Variants in N4BP2 observed in about 807,000 individuals in gnomAD.
The protein encoded by N4BP2 is NEDD4-binding protein 2.
Under a neutral mutation model 152.8 loss-of-function variants are expected in N4BP2, and 91 were observed. The observed-to-expected ratio is 0.60, with a 90% CI of 0.50 to 0.71. The LOEUF (loss-of-function observed/expected upper bound fraction) is 0.71, where lower values mean the gene tolerates loss of function less well. Ranked by LOEUF, N4BP2 falls within the 30% of genes least tolerant of loss-of-function variation. The pLI, the probability that N4BP2 is intolerant of heterozygous loss-of-function variation, is 0.00. For synonymous variants in N4BP2, 646 were observed against 705.3 expected, an observed-to-expected ratio of 0.92 and a Z score of 1.33; for missense variants, 1,923 against 2,059.1, an observed-to-expected ratio of 0.93 and a Z score of 1.28.
At chr4:40,137,660 C>G (rs553738134) in intron 14 of N4BP2, among the ~76,000 whole-genome samples, 2 of 152,162 alleles carry the variant, frequency 1.3e-5, no homozygotes, top group African/African-American at 4.8e-5. Context: ...TCACAGAGTT[C>G]TGGAAACAGG....
In N4BP2 at chr4:40,112,154, G is replaced by T. The variant is rs1579053933; in HGVS notation, c.1569G>T (p.Met523Ile). 1 of 1,571,118 alleles carries T rather than the reference G, an allele frequency of 6.4e-7. No individual in the cohort carries two copies. Among genetic ancestry groups the T allele is most frequent in the South Asian group, 1.2e-5 (1 of 86,616 alleles). Reference protein sequence around the residue: ...IDNTNLQAWEMKPYVALSQKH... With the variant: ...IDNTNLQAWEIKPYVALSQKH... ...ATACAAACCTACAGGCATGGGAAATGAAACCATATGTTGCTTTGGTTAGTA... is the reference window on the plus strand; with the variant it reads ...ATACAAACCTACAGGCATGGGAAATTAAACCATATGTTGCTTTGGTTAGTA... Residue 523 changes from methionine to isoleucine, a missense_variant, in exon 6 of 18, where the codon ATG becomes ATT. By Grantham distance (10) the Met-to-Ile change is conservative. Coordinates refer to ENST00000261435, the MANE Select transcript of N4BP2 (RefSeq NM_018177.6).
At chr4:40,135,145 G>A (rs1321529900) in intron 13 of N4BP2, among the ~76,000 whole-genome samples, 2 of 130,156 alleles carry the variant, frequency 1.5e-5, no homozygotes, top group Non-Finnish European at 3.1e-5. Context: ...TCCCCTTCCT[G>A]TGTCCATGTG....
At chr4:40,082,387 G>A (rs75087390) in intron 2 of N4BP2, among the ~76,000 whole-genome samples, 1 of 151,740 alleles carries the variant, frequency 6.6e-6, no homozygotes, top group Non-Finnish European at 1.5e-5. Flanking sequence ...AACAATCCTG[G>A]GTTCAGCTTA....
At chr4:40,141,872 G>A (rs572584969) in intron 14 of N4BP2, among the ~76,000 whole-genome samples, 97 of 152,320 alleles carry the variant, frequency 6.4e-4, no homozygotes, top group African/African-American at 2.3e-3. Context: ...GATCACTCGC[G>A]GTTAGGAGCT....
At chr4:40,138,755 G>A (rs573809495) in intron 14 of N4BP2, among the ~76,000 whole-genome samples, 15 of 152,306 alleles carry the variant, frequency 9.8e-5, no homozygotes, top group African/African-American at 3.6e-4. Context: ...CTATTCCATT[G>A]ATCTGTATGT....
At chr4:40,144,448 T>G (rs1390304809) in intron 15 of N4BP2, among the ~76,000 whole-genome samples, 184 bp from the exon 16 acceptor site, 1 of 152,238 alleles carries the variant, frequency 6.6e-6, no homozygotes, top group Non-Finnish European at 1.5e-5. Flanking sequence ...GACTACATTA[T>G]TAAGTCACTG....
Position 40,107,095 on chromosome 4 carries a change from TTG to T in N4BP2, c.1498+77_1498+78del, listed in dbSNP as rs1716377900. The stretch of plus-strand genomic sequence containing the variant: ...AAGAAAAAATTCACTTAGTATTTGT[TTG>T]TGTGTTTGTTTTTGTTTTTTGAGAC... On this transcript the variant is annotated intron_variant, in intron 5 of 17. Coordinates refer to ENST00000261435, the MANE Select transcript of N4BP2 (RefSeq NM_018177.6). 5.2e-6 allele frequency: 8 copies of T among 1,526,610 alleles called. No individual in the cohort carries two copies. In the East Asian group the frequency reaches 1.8e-4, roughly 35 times the overall value. The allele number at this position is 1,526,610 out of a possible 1,614,324, so 94.6% of individuals were successfully genotyped here. A position where few individuals can be genotyped will look rare whatever the true frequency, so the allele number is the denominator to read the frequency against.
chr4:40,167,351 G>A, the N4BP2 span: 2 of 152,140 alleles, frequency 1.3e-5, no homozygotes, highest in East Asian at 3.8e-4. Flanking sequence ...TTCTAGGCAG[G>A]ATTGATGAGA....
chr4:40,106,540 T>G (rs766442080), intron 4 of N4BP2, among the ~76,000 whole-genome samples: 2 of 152,126 alleles, frequency 1.3e-5, no homozygotes, highest in Non-Finnish European at 2.9e-5. Flanking sequence ...TGATTTTTAC[T>G]CTTTTATTTT....
the N4BP2 span, among the ~76,000 whole-genome samples, chr4:40,170,052 T>TA: frequency 1.3e-5 from 2 of 150,926 alleles, no homozygotes; most frequent in African/African-American, 2.4e-5. Flanking sequence ...TTAGAAAAGA[T>TA]AAAAAAATCT....
At chr4:40,108,614 A>G (rs1157953035) in intron 5 of N4BP2, among the ~76,000 whole-genome samples, 2 of 141,610 alleles carry the variant, frequency 1.4e-5, no homozygotes, top group South Asian at 2.6e-4. Context: ...ACGCCTGGCA[A>G]TTGGTTTACT....
intron 1 of N4BP2, among the ~76,000 whole-genome samples, chr4:40,061,684 G>T (rs1251249162): frequency 1.3e-5 from 2 of 149,780 alleles, no homozygotes; most frequent in Non-Finnish European, 3.0e-5. Context: ...TTTTTTTTTG[G>T]GTGGAGTTTT....
At chr4:40,125,886 C>CAA (rs34106957) in intron 11 of N4BP2, among the ~76,000 whole-genome samples, 18 of 103,308 alleles carry the variant, frequency 1.7e-4, no homozygotes, top group African/African-American at 6.4e-4. Flanking sequence ...GACTCCGTCT[C>CAA]AAAAAAAAAA....
At chr4:40,063,712 C>T (rs1327469060) in intron 1 of N4BP2, among the ~76,000 whole-genome samples, 7 of 150,758 alleles carry the variant, frequency 4.6e-5, no homozygotes, top group Admixed American at 1.3e-4. Context: ...GGTGTGATCT[C>T]GGCTTACTAC....
At chr4:40,071,395 A>C (rs1041878381) in intron 1 of N4BP2, among the ~76,000 whole-genome samples, 1 of 152,092 alleles carries the variant, frequency 6.6e-6, no homozygotes, top group South Asian at 2.1e-4. Context: ...TGTACTTCCT[A>C]CTGTTTCTAG....
At chr4:40,062,407 T>C (rs1333006469) in intron 1 of N4BP2, among the ~76,000 whole-genome samples, 1 of 152,166 alleles carries the variant, frequency 6.6e-6, no homozygotes, top group African/African-American at 2.4e-5. Context: ...ATGTCTCACC[T>C]GGGTTGTTGC....
At chr4:40,066,388 G>A (rs1376257905) in intron 1 of N4BP2, among the ~76,000 whole-genome samples, 3 of 145,598 alleles carry the variant, frequency 2.1e-5, no homozygotes, top group East Asian at 4.0e-4. Context: ...GCATGATCTC[G>A]GCTCATTGCA....
At position 40,118,042 on chromosome 4, in the gene N4BP2, A is replaced by C; in HGVS notation, c.1820+18A>C. Reference sequence around the variant, plus strand: ...AGCACTAGGTAGGTTAAAATGCCTTATGTACAAAATTCAATTTGAAATATA... The same window carrying C: ...AGCACTAGGTAGGTTAAAATGCCTTCTGTACAAAATTCAATTTGAAATATA... On this transcript the variant is annotated intron_variant, in intron 8 of 17. Coordinates refer to ENST00000261435, the MANE Select transcript of N4BP2 (RefSeq NM_018177.6). 1 of 1,502,562 alleles carries C rather than the reference A, an allele frequency of 6.7e-7. No homozygotes were observed. Among genetic ancestry groups the C allele is most frequent in the Non-Finnish European group, 8.9e-7 (1 of 1,120,682 alleles). The allele number at this position is 1,502,562 out of a possible 1,614,324, so 93.1% of individuals were successfully genotyped here.
intron 1 of N4BP2, among the ~76,000 whole-genome samples, chr4:40,063,847 G>A (rs1733837694): frequency 6.6e-6 from 1 of 152,034 alleles, no homozygotes; most frequent in African/African-American, 2.4e-5. Context: ...GTTTCACCAT[G>A]TTGGCCAGGT....
Sources: allele counts gnomAD v4.1 joint callset (sites outside exome capture counted in the v4.1 genomes callset), GRCh38; gene constraint gnomAD v4.1.1; transcripts MANE v1.5; gene names NCBI Gene and HGNC (gene_info 2026-07-23, HGNC 2026-07-21).